PAX9: variants seen among roughly 807,000 people sequenced by gnomAD.
PAX9 encodes paired box protein Pax-9.
A neutral mutation model predicts 29.1 loss-of-function variants in PAX9; 6 were observed. That is an observed-to-expected ratio of 0.21 (90% CI 0.11 to 0.41). The LOEUF (loss-of-function observed/expected upper bound fraction) is 0.41. Among genes scored for constraint, PAX9 ranks in the 10% least tolerant of loss-of-function variants. PAX9 has a pLI of 1.00. For missense variants in PAX9, 443 were observed against 479.1 expected, an observed-to-expected ratio of 0.92 and a Z score of 0.70; for synonymous variants, 217 against 211.7, an observed-to-expected ratio of 1.03 and a Z score of -0.22.
In PAX9 at chr14:36,661,977, C is replaced by G; in HGVS notation, c.-113C>G. 1 of 1,343,292 alleles carries G rather than the reference C, an allele frequency of 7.4e-7. No homozygotes were observed. The highest frequency in any genetic ancestry group is 1.0e-6 in the Non-Finnish European group (1 of 958,648). 83.2% of individuals were successfully genotyped at this position (1,343,292 alleles called of 1,614,324 possible). ...CTCGCCTCCTCCTCCTGGGAAGAAGCGGAGGCGCCGGCGGTCGGCCGGGAT... is the reference window on the plus strand; with the variant it reads ...CTCGCCTCCTCCTCCTGGGAAGAAGGGGAGGCGCCGGCGGTCGGCCGGGAT... On this transcript the variant is annotated 5_prime_UTR_variant, in exon 1 of 4. Transcript: ENST00000361487.
At position 36,663,203 on chromosome 14, in the gene PAX9, A is replaced by G; in HGVS notation, c.311A>G (p.Asp104Gly). The G allele has an allele frequency of 6.2e-7, 1 of 1,613,982 alleles. No homozygotes were observed. Among genetic ancestry groups the G allele is most frequent in the South Asian group, 1.1e-5 (1 of 91,078 alleles). The change falls in exon 2 of 4, where the codon GAC becomes GGC. Residue 104 changes from aspartate to glycine, a missense_variant. Coordinates refer to ENST00000361487, the MANE Select transcript of PAX9 (RefSeq NM_001372076.1). ...GGCATCTTCGCCTGGGAGATCCGGG[A>G]CCGCCTGCTGGCGGACGGCGTGTGC... ...DPGIFAWEIR[D>G]RLLADGVCDK...
rs2139106224 is a variant in PAX9, at chr14:36,661,866, G to C, written c.-224G>C. Reference sequence around the variant, plus strand: ...GAGCCGCCCTGCCCTGCTCAGCCCAGCCCACGTTGCTGCTTAGATTGAAAT... The same window carrying C: ...GAGCCGCCCTGCCCTGCTCAGCCCACCCCACGTTGCTGCTTAGATTGAAAT... On this transcript the variant is annotated 5_prime_UTR_variant, in exon 1 of 4. Transcript: ENST00000361487. 1 of 632,646 alleles carries C rather than the reference G, an allele frequency of 1.6e-6. No homozygotes were observed. The highest frequency in any genetic ancestry group is 2.8e-5 in the East Asian group (1 of 36,012). 39.2% of individuals were successfully genotyped at this position (632,646 alleles called of 1,614,324 possible).
intron 2 of PAX9, among the ~76,000 whole-genome samples, chr14:36,664,568 GTT>G (rs34440866): frequency 0.18 from 25,786 of 141,982 alleles, 2,555 homozygotes; most frequent in East Asian, 0.3. Context: ...CTTTTACTGA[GTT>G]TTTTTTTTTT....
rs3061562 is a variant in PAX9 at position 36,672,852 on chromosome 14, C to CTTTTTTTTTTTTTTTTTTTTTT, written c.772-3337_772-3316dup. On this transcript the variant is annotated intron_variant, in intron 3 of 3. Transcript: ENST00000361487. The stretch of plus-strand genomic sequence containing the variant: ...TTCTTTTTTCTTTCTTTCTTTCTTC[C>CTTTTTTTTTTTTTTTTTTTTTT]TTTTTTTTTTTTTTTTTTTTTTTTT... 4.0e-3 allele frequency among the ~76,000 whole-genome samples: 76 copies of CTTTTTTTTTTTTTTTTTTTTTT among 19,158 alleles called. 32 individuals carry two copies. Among genetic ancestry groups the CTTTTTTTTTTTTTTTTTTTTTT allele is most frequent in the South Asian group, 0.012 (3 of 246 alleles). 12.6% of individuals were successfully genotyped at this position (19,158 alleles called of 152,430 possible).
intron 3 of PAX9, among the ~76,000 whole-genome samples, chr14:36,675,250 C>G (rs1881840046): frequency 6.6e-6 from 1 of 151,966 alleles, no homozygotes; most frequent in South Asian, 2.1e-4. Flanking sequence ...AGAAGGATGC[C>G]CAGTGTTCAT....
chr14:36,669,317 T>C (rs974467135), intron 3 of PAX9, among the ~76,000 whole-genome samples: 1 of 152,206 alleles, frequency 6.6e-6, no homozygotes, highest in African/African-American at 2.4e-5. Flanking sequence ...AAAGGGCAGA[T>C]TTATTTTTAA....
At chr14:36,667,893 A>G (rs1881565629) in intron 3 of PAX9, among the ~76,000 whole-genome samples, 2 of 152,252 alleles carry the variant, frequency 1.3e-5, no homozygotes, top group African/African-American at 4.8e-5. Context: ...AAAAGGCAGA[A>G]TAGTACAATG....
chr14:36,673,779 G>C (rs924699334), intron 3 of PAX9, among the ~76,000 whole-genome samples: 2 of 152,164 alleles, frequency 1.3e-5, no homozygotes, highest in Non-Finnish European at 2.9e-5. Context: ...CTGCTAACTA[G>C]AACATTGTTT....
At chr14:36,661,488 C>A (rs565293280), upstream of PAX9, among the ~76,000 whole-genome samples, 12 of 152,316 alleles carry the variant, frequency 7.9e-5, no homozygotes, top group Non-Finnish European at 1.3e-4. Context: ...TGCACGGTGG[C>A]GCCCGCCTCC....
chr14:36,679,295 ATAC>A lies in PAX9; in HGVS notation c.*2844_*2846del. The stretch of plus-strand genomic sequence containing the variant: ...GTACAACAGAAGGCTATGTATGTAT[ATAC>A]AGTATGTCAAAAGCCTTTTATTTTT... On this transcript the variant is annotated 3_prime_UTR_variant, in exon 4 of 4. Coordinates refer to ENST00000361487, the MANE Select transcript of PAX9 (RefSeq NM_001372076.1). The A allele has an allele frequency of 1.0e-6, 1 of 977,012 alleles. No individual in the cohort carries two copies. Among genetic ancestry groups the A allele is most frequent in the Non-Finnish European group, 1.2e-6 (1 of 822,484 alleles). 60.5% of individuals were successfully genotyped at this position (977,012 alleles called of 1,614,324 possible). A position where few individuals can be genotyped will look rare whatever the true frequency, so the allele number is the denominator to read the frequency against.
rs534508714 is a variant in PAX9 at position 36,664,826 on chromosome 14, C to T, written c.631+1303C>T. Reference sequence around the variant, plus strand: ...TAATTAAAGCAGGGCTCTGATTTCTCATCTTCTTGTTTTCTGACTGCAAGT... The same window carrying T: ...TAATTAAAGCAGGGCTCTGATTTCTTATCTTCTTGTTTTCTGACTGCAAGT... On this transcript the variant is annotated intron_variant, in intron 2 of 3. Coordinates refer to ENST00000361487, the MANE Select transcript of PAX9 (RefSeq NM_001372076.1). Among the ~76,000 whole-genome samples the T allele has an allele frequency of 2.6e-3, 401 of 152,236 alleles. 2 individuals are homozygous for T. Among genetic ancestry groups the T allele is most frequent in the African/African-American group, 9.1e-3 (378 of 41,536 alleles).
upstream of PAX9, among the ~76,000 whole-genome samples, chr14:36,659,242 G>C (rs930315834): frequency 6.6e-6 from 1 of 152,226 alleles, no homozygotes; most frequent in Non-Finnish European, 1.5e-5. Flanking sequence ...GCTGACCCTT[G>C]TTCTTGTTCT....
intron 3 of PAX9, among the ~76,000 whole-genome samples, chr14:36,669,294 C>T (rs957018680): frequency 6.6e-6 from 1 of 152,124 alleles, no homozygotes; most frequent in Admixed American, 6.5e-5. Flanking sequence ...GTGCATTTCT[C>T]TTACCAATAT....
chr14:36,658,920 T>C (rs1261148168), upstream of PAX9: 1 of 152,168 alleles, frequency 6.6e-6, no homozygotes, highest in Non-Finnish European at 1.5e-5. Flanking sequence ...CTTGGGCGGG[T>C]GTACACAAGG....
chr14:36,667,637 AC>A (rs1177700490), intron 3 of PAX9, among the ~76,000 whole-genome samples: 26 of 152,284 alleles, frequency 1.7e-4, no homozygotes, highest in Admixed American at 1.5e-3. Context: ...ACTTGAAAAA[AC>A]ATCTTAGTCA....
chr14:36,677,180 C>T lies in PAX9; in HGVS notation c.*728C>T, dbSNP rs1484201667. On this transcript the variant is annotated 3_prime_UTR_variant, in exon 4 of 4. Transcript: ENST00000361487. ...TATTCCCCTCCCCTCAGCCCCACCC[C>T]CTCTCTATTTTTTTCTTTCTTTTTT... The T allele has an allele frequency of 6.6e-6, 1 of 152,278 alleles. No individual in the cohort carries two copies. Among genetic ancestry groups the T allele is most frequent in the African/African-American group, 2.4e-5 (1 of 41,412 alleles). 9.4% of individuals were successfully genotyped at this position (152,278 alleles called of 1,614,324 possible).
chr14:36,658,738 A>C (rs1389453800), upstream of PAX9: 1 of 152,232 alleles, frequency 6.6e-6, no homozygotes, highest in Non-Finnish European at 1.5e-5. Flanking sequence ...GGGGCGCCGC[A>C]GGTGACTGCC....
intron 2 of PAX9, among the ~76,000 whole-genome samples, chr14:36,665,780 A>G (rs192454950): frequency 1.3e-4 from 20 of 152,292 alleles, no homozygotes; most frequent in African/African-American, 4.6e-4. Flanking sequence ...TAATTGCAAG[A>G]TTTATTTTTA....
intron 2 of PAX9, 110 bp from the exon 3 acceptor site, chr14:36,666,352 C>T: frequency 7.0e-7 from 1 of 1,428,300 alleles, no homozygotes; most frequent in South Asian, 1.4e-5. Flanking sequence ...GGCAGGGAGC[C>T]GACCCAAGGT....
Sources: allele counts gnomAD v4.1 joint callset (sites outside exome capture counted in the v4.1 genomes callset), GRCh38; gene constraint gnomAD v4.1.1; transcripts MANE v1.5; gene names NCBI Gene and HGNC (gene_info 2026-07-23, HGNC 2026-07-21).